The following KMO variants were observed in gnomAD, a reference collection of about 807,000 sequenced individuals.
The protein encoded by KMO is kynurenine 3-hydroxylase.
In KMO, 24 loss-of-function variants were observed where a neutral mutation model predicts 57.8. The observed-to-expected ratio is 0.42, with a 90% CI of 0.30 to 0.58. KMO has a LOEUF of 0.58. Among genes scored for constraint, KMO ranks in the 20% least tolerant of loss-of-function variants. The pLI, the probability that KMO is intolerant of heterozygous loss-of-function variation, is 0.22. For missense variants in KMO, 483 were observed against 588.2 expected (o/e 0.82, Z 1.85); for synonymous variants, 210 against 193.6 (o/e 1.08, Z -0.70).
At chr1:241,587,399 A>G (rs1397370759) in intron 11 of KMO, among the ~76,000 whole-genome samples, 2 of 152,146 alleles carry the variant, frequency 1.3e-5, no homozygotes, top group Non-Finnish European at 2.9e-5. Flanking sequence ...CAGTCACCCT[A>G]CAACACATCC....
At chr1:241,589,931 G>A in intron 12 of KMO, 81 bp from the exon 13 acceptor site, 1 of 1,077,086 alleles carries the variant, frequency 9.3e-7, no homozygotes, top group East Asian at 2.4e-5. Context: ...GCGATGAGTG[G>A]GAATGAAGAA....
rs75848546 is a variant in KMO, at chr1:241,537,332, A to G, written c.54+4834A>G. Among the ~76,000 whole-genome samples the G allele has an allele frequency of 6.7e-3, 1,027 of 152,358 alleles. 8 individuals are homozygous for G. Among genetic ancestry groups the G allele is most frequent in the Non-Finnish European group, 0.012 (791 of 68,028 alleles). ...TCCCTGAAGTAAACGTCCTCAGTGC[A>G]TATGAACCATCAAATGGCTTATAAT... On this transcript the variant is annotated intron_variant, in intron 1 of 14. Transcript: ENST00000366559.
In KMO at chr1:241,594,437, A is replaced by T. The variant is rs775014277; in HGVS notation, c.*2284A>T. On this transcript the variant is annotated 3_prime_UTR_variant, in exon 15 of 15. Coordinates refer to ENST00000366559, the MANE Select transcript of KMO (RefSeq NM_003679.5). ...TTGCCATTCTTCATTCCTACAAAGG[A>T]CGAACTTGGATTACATCAACTTTGG... is the stretch of plus-strand genomic sequence containing the variant. 2 of 1,612,100 alleles carry T rather than the reference A, an allele frequency of 1.2e-6. No individual in the cohort carries two copies. Among genetic ancestry groups the T allele is most frequent in the African/African-American group, 2.7e-5 (2 of 74,878 alleles).
chr1:241,553,698 A>T (rs532799134), intron 4 of KMO, among the ~76,000 whole-genome samples: 21 of 152,316 alleles, frequency 1.4e-4, no homozygotes, highest in African/African-American at 4.1e-4. Context: ...AAAATTTTTT[A>T]AAAAATTAAA....
At chr1:241,545,520 T>C (rs1003210178) in intron 1 of KMO, among the ~76,000 whole-genome samples, 1 of 152,140 alleles carries the variant, frequency 6.6e-6, no homozygotes, top group Non-Finnish European at 1.5e-5. Context: ...TCTCTTCACA[T>C]CATCTTTCCT....
intron 1 of KMO, among the ~76,000 whole-genome samples, chr1:241,541,052 C>A (rs4618954): frequency 0.34 from 51,334 of 152,000 alleles, 9,693 homozygotes; most frequent in Non-Finnish European, 0.42. Context: ...CAGAACAAGA[C>A]CCTGTCTAAA....
Position 241,555,416 on chromosome 1 carries a change from A to G in KMO, c.313-196A>G, listed in dbSNP as rs185523981. Among the ~76,000 whole-genome samples the G allele has an allele frequency of 2.3e-3, 352 of 152,328 alleles. 4 individuals are homozygous for G. The highest frequency in any genetic ancestry group is 7.7e-4 in the East Asian group (4 of 5,192). ...TGAAAAAGCCTAAGTGTAAACTTGG[A>G]TATTGTATTATATGTGTTTGTTTAA... On this transcript the variant is annotated intron_variant, in intron 4 of 14. Transcript: ENST00000366559.
intron 7 of KMO, among the ~76,000 whole-genome samples, chr1:241,562,916 AAAGAAGGAAG>A: frequency 7.2e-5 from 2 of 27,684 alleles, no homozygotes; most frequent in Non-Finnish European, 1.7e-4. Flanking sequence ...GGAAGGAAGG[AAAGAAGGAAG>A]GAAGGAAGGA....
intron 1 of KMO, among the ~76,000 whole-genome samples, chr1:241,536,016 T>C (rs1043337181): frequency 1.3e-5 from 2 of 152,204 alleles, no homozygotes; most frequent in African/African-American, 4.8e-5. Context: ...CAGTGCCTTA[T>C]AATGTGAGCC....
At chr1:241,561,911 AT>A in intron 6 of KMO, 1 of 383,684 alleles carries the variant, frequency 2.6e-6, no homozygotes, top group Non-Finnish European at 4.7e-6. Context: ...GAAATCTCAA[AT>A]CCTGTCACAC....
At position 241,549,750 on chromosome 1, in the gene KMO, G is replaced by C. The variant is rs753866138; in HGVS notation, c.198G>C (p.Leu66Phe). Reference protein sequence around the residue: ...LALSHRGRQALKAVGLEDQIV... With the variant: ...LALSHRGRQAFKAVGLEDQIV... Reference sequence around the variant, plus strand: ...TTTCTCATAGAGGACGACAAGCCTTGAAAGCTGTTGGCCTGGAAGATCAGG... The same window carrying C: ...TTTCTCATAGAGGACGACAAGCCTTCAAAGCTGTTGGCCTGGAAGATCAGG... Residue 66 changes from leucine (L) to phenylalanine (F), a missense_variant, in exon 3 of 15, where the codon TTG (leucine) becomes TTC (phenylalanine). Leu to Phe is a conservative substitution (Grantham distance 22). Transcript: ENST00000366559. 1 of 1,612,048 alleles carries C rather than the reference G, an allele frequency of 6.2e-7. No homozygotes were observed. Among genetic ancestry groups the C allele is most frequent in the Non-Finnish European group, 8.5e-7 (1 of 1,178,382 alleles).
rs543139314 is a variant in KMO, at chr1:241,593,976, C to T, written c.*1823C>T. ...CATTCTAGAATTATCTCCTTGATAACTTGATCAGATATAGGACATGACACT... is the reference window on the plus strand; with the variant it reads ...CATTCTAGAATTATCTCCTTGATAATTTGATCAGATATAGGACATGACACT... On this transcript the variant is annotated 3_prime_UTR_variant, in exon 15 of 15. Transcript: ENST00000366559. 1.3e-5 allele frequency: 2 copies of T among 155,412 alleles called. No individual in the cohort carries two copies. The highest frequency in any genetic ancestry group is 4.8e-5 in the African/African-American group (2 of 41,558). 9.6% of individuals were successfully genotyped at this position (155,412 alleles called of 1,614,324 possible).
At chr1:241,544,775 A>G (rs1661084384) in intron 1 of KMO, among the ~76,000 whole-genome samples, 1 of 152,308 alleles carries the variant, frequency 6.6e-6, no homozygotes, top group Non-Finnish European at 1.5e-5. Context: ...AATTTTGAGT[A>G]AGTAGGATAA....
At chr1:241,544,365 A>C (rs1481011272) in intron 1 of KMO, among the ~76,000 whole-genome samples, 1 of 152,194 alleles carries the variant, frequency 6.6e-6, no homozygotes, top group East Asian at 1.9e-4. Flanking sequence ...TCCAACTCTC[A>C]CGACCTGTTG....
chr1:241,574,924 G>A (rs887830851), intron 10 of KMO, among the ~76,000 whole-genome samples: 1 of 151,710 alleles, frequency 6.6e-6, no homozygotes, highest in Non-Finnish European at 1.5e-5. Context: ...CAATTGTTTC[G>A]ATTACTGATT....
rs952005947 is a variant in KMO at position 241,592,280 on chromosome 1, T to C, written c.*127T>C. The C allele has an allele frequency of 1.7e-5, 12 of 694,104 alleles. No homozygotes were observed. Among genetic ancestry groups the C allele is most frequent in the African/African-American group, 1.4e-4 (8 of 55,954 alleles). The allele number at this position is 694,104 out of a possible 1,614,324, so 43.0% of individuals were successfully genotyped here. A position where few individuals can be genotyped will look rare whatever the true frequency, so the allele number is the denominator to read the frequency against. On this transcript the variant is annotated 3_prime_UTR_variant, in exon 15 of 15. Coordinates refer to ENST00000366559, the MANE Select transcript of KMO (RefSeq NM_003679.5). The stretch of plus-strand genomic sequence containing the variant: ...GTGTTCTGCTTATAATTAAACTGAA[T>C]GTAGAGTATCTCTGTATGTTAATTG...
At chr1:241,576,605 A>T (rs1410047739) in intron 10 of KMO, among the ~76,000 whole-genome samples, 1 of 152,154 alleles carries the variant, frequency 6.6e-6, no homozygotes, top group Non-Finnish European at 1.5e-5. Flanking sequence ...GCTGACTTGT[A>T]AGATTTCTGC....
Position 241,566,598 on chromosome 1 carries a change from C to A in KMO, c.795C>A (p.Ile265=). Residue 265 remains isoleucine (I), a synonymous_variant, in exon 9 of 15, where the codon ATC becomes ATA. Coordinates refer to ENST00000366559, the MANE Select transcript of KMO (RefSeq NM_003679.5). ...TCCAGAAATACTTTCCGGATGCCAT[C>A]CCTCTAATTGGAGAGTAAGTTGCAA... is the stretch of plus-strand genomic sequence containing the variant. ...DFFQKYFPDA[I]PLIGEKLLVQ... is the part of the protein sequence containing the mutation. 1 of 1,613,740 alleles carries A rather than the reference C, an allele frequency of 6.2e-7. No homozygotes were observed. The highest frequency in any genetic ancestry group is 2.2e-5 in the East Asian group (1 of 44,872).
chr1:241,587,027 C>T (rs1663023319), intron 11 of KMO, among the ~76,000 whole-genome samples: 1 of 152,148 alleles, frequency 6.6e-6, no homozygotes. Context: ...GCTGCTTTCT[C>T]TCCCTTTTCA....
Sources: gnomAD v4.1 joint callset for allele counts (sites outside exome capture counted in the v4.1 genomes callset) on GRCh38, gnomAD v4.1.1 for gene constraint, MANE v1.5 for transcripts, NCBI Gene and HGNC (gene_info 2026-07-23, HGNC 2026-07-21) for gene names.